Variants in MPPED1 observed in about 807,000 individuals in gnomAD.
MPPED1 encodes metallophosphoesterase domain-containing protein 1.
Under a neutral mutation model 36.2 loss-of-function variants are expected in MPPED1, and 16 were observed. The ratio of observed to expected loss-of-function variants is 0.44; its 90% confidence interval spans 0.30 to 0.67. The LOEUF is 0.67. MPPED1 is among the 30% of genes least tolerant of loss of function. The probability of loss-of-function intolerance (pLI) is 0.10; values close to 1 mark genes in which losing one functional copy is unlikely to be tolerated. For synonymous variants in MPPED1, 199 were observed against 191.3 expected, an observed-to-expected ratio of 1.04 and a Z score of -0.33; for missense variants, 307 against 453.4, an observed-to-expected ratio of 0.68 and a Z score of 2.93.
chr22:43,498,356 G>A lies in MPPED1; in HGVS notation c.748+6G>A. 1 of 1,529,998 alleles carries A rather than the reference G, an allele frequency of 6.5e-7. No homozygotes were observed. 94.8% of individuals were successfully genotyped at this position (1,529,998 alleles called of 1,614,324 possible). Reference sequence around the variant, plus strand: ...AACCCATGGACCACCACTGGGTAAGGCTCTGCTGGCCTGGCCCTCCAGCTC... The same window carrying A: ...AACCCATGGACCACCACTGGGTAAGACTCTGCTGGCCTGGCCCTCCAGCTC... On this transcript the variant is annotated splice_donor_region_variant and intron_variant, in intron 5 of 6. Coordinates refer to ENST00000443721, the MANE Select transcript of MPPED1 (RefSeq NM_001044370.2).
At chr22:43,454,868 A>G (rs965577667) in intron 3 of MPPED1, among the ~76,000 whole-genome samples, 7 of 152,106 alleles carry the variant, frequency 4.6e-5, no homozygotes, top group African/African-American at 1.7e-4. Flanking sequence ...AAACATTTGT[A>G]TTCAGATTCT....
At chr22:43,498,723 G>A (rs1447008394) in intron 5 of MPPED1, among the ~76,000 whole-genome samples, 1 of 151,906 alleles carries the variant, frequency 6.6e-6, no homozygotes, top group Non-Finnish European at 1.5e-5. Flanking sequence ...GAAACCTGGG[G>A]TCCCCACTTC....
At chr22:43,414,621 A>G (rs1036669531) in intron 1 of MPPED1, among the ~76,000 whole-genome samples, 4 of 152,186 alleles carry the variant, frequency 2.6e-5, no homozygotes, top group East Asian at 1.9e-4. Flanking sequence ...AGGTTAGTTA[A>G]TGCCTTTCAA....
At chr22:43,484,036 G>A (rs1386195931) in intron 4 of MPPED1, among the ~76,000 whole-genome samples, 1 of 152,240 alleles carries the variant, frequency 6.6e-6, no homozygotes, top group African/African-American at 2.4e-5. Flanking sequence ...CTCCCTTCTT[G>A]CGGCCTCACG....
chr22:43,490,269 G>C (rs1483323172), intron 4 of MPPED1, among the ~76,000 whole-genome samples: 3 of 152,170 alleles, frequency 2.0e-5, no homozygotes, highest in Non-Finnish European at 4.4e-5. Context: ...GGGTGTGATG[G>C]GGAGGGAAAA....
At chr22:43,443,916 C>T (rs1046265922) in intron 3 of MPPED1, among the ~76,000 whole-genome samples, 7 of 152,236 alleles carry the variant, frequency 4.6e-5, no homozygotes, top group African/African-American at 1.7e-4. Context: ...ATTTTGGTTG[C>T]GTACGCACAT....
In MPPED1 at chr22:43,505,624, C is replaced by G. The variant is rs1354433177; in HGVS notation, c.*8C>G. ...ACACCCCGGAACTCCTGACTGCTCCCCACTGCCCCTGCCCTGCCCGCCCGT... is the reference window on the plus strand; with the variant it reads ...ACACCCCGGAACTCCTGACTGCTCCGCACTGCCCCTGCCCTGCCCGCCCGT... On this transcript the variant is annotated 3_prime_UTR_variant, in exon 7 of 7. Coordinates refer to ENST00000443721, the MANE Select transcript of MPPED1 (RefSeq NM_001044370.2). 6.2e-7 allele frequency: 1 copy of G among 1,600,118 alleles called. No individual in the cohort carries two copies. The highest frequency in any genetic ancestry group is 1.7e-5 in the Admixed American group (1 of 58,666).
At chr22:43,446,654 T>G (rs796195936) in intron 3 of MPPED1, among the ~76,000 whole-genome samples, 1 of 152,146 alleles carries the variant, frequency 6.6e-6, no homozygotes, top group Non-Finnish European at 1.5e-5. Context: ...GGGGGCTTCA[T>G]GCAGGAGGTG....
At chr22:43,469,761 G>T (rs1050533600) in intron 3 of MPPED1, among the ~76,000 whole-genome samples, 1 of 152,266 alleles carries the variant, frequency 6.6e-6, no homozygotes, top group Admixed American at 6.5e-5. Flanking sequence ...GCGACACAGA[G>T]GTCAGTTGGT....
chr22:43,476,451 A>G (rs1931580890), intron 4 of MPPED1, among the ~76,000 whole-genome samples: 1 of 152,144 alleles, frequency 6.6e-6, no homozygotes, highest in South Asian at 2.1e-4. Flanking sequence ...CAGCGAGGCT[A>G]AGGAGCCCTT....
intron 4 of MPPED1, among the ~76,000 whole-genome samples, chr22:43,497,014 A>AGGTG (rs1932426179): frequency 3.7e-5 from 1 of 26,864 alleles, no homozygotes; most frequent in African/African-American, 1.6e-4. Flanking sequence ...TGGTGGAGGT[A>AGGTG]GTGGTGGTGG....
At chr22:43,483,420 C>T (rs555608390) in intron 4 of MPPED1, among the ~76,000 whole-genome samples, 9 of 152,340 alleles carry the variant, frequency 5.9e-5, no homozygotes, top group South Asian at 4.1e-4. Context: ...GGATTCAAGG[C>T]GGCCGGTGAT....
At chr22:43,464,839 C>T (rs887216842) in intron 3 of MPPED1, among the ~76,000 whole-genome samples, 5 of 152,230 alleles carry the variant, frequency 3.3e-5, no homozygotes, top group South Asian at 2.1e-4. Flanking sequence ...TTTCCAGCTT[C>T]CAAACCTCTG....
intron 4 of MPPED1, among the ~76,000 whole-genome samples, chr22:43,491,407 T>C (rs182725284): frequency 2.0e-4 from 30 of 151,512 alleles, no homozygotes; most frequent in Admixed American, 2.0e-3. Context: ...GTGGTGATGA[T>C]GGTGGAGGTG....
intron 2 of MPPED1, among the ~76,000 whole-genome samples, chr22:43,428,507 T>C (rs1929560337): frequency 6.6e-6 from 1 of 152,242 alleles, no homozygotes; most frequent in Non-Finnish European, 1.5e-5. Context: ...TGGATTTCCA[T>C]GGCGAGTCGG....
intron 3 of MPPED1, among the ~76,000 whole-genome samples, chr22:43,435,921 C>A (rs961477873): frequency 2.6e-5 from 4 of 152,154 alleles, no homozygotes; most frequent in African/African-American, 9.6e-5. Context: ...GAGTGACACA[C>A]AGAATGGTGG....
At position 43,486,190 on chromosome 22, in the gene MPPED1, C is replaced by T. The variant is rs573721689; in HGVS notation, c.632+11229C>T. On this transcript the variant is annotated intron_variant, in intron 4 of 6. Transcript: ENST00000443721. Reference sequence around the variant, plus strand: ...CATGCCCTCACTTGGGAACCAGGCACGTCTCTGACATCTCTGAGCCTCAGT... The same window carrying T: ...CATGCCCTCACTTGGGAACCAGGCATGTCTCTGACATCTCTGAGCCTCAGT... Among the ~76,000 whole-genome samples the T allele has an allele frequency of 3.9e-4, 59 of 152,374 alleles. No individual in the cohort carries two copies. The Middle Eastern group carries it at 0.01, about 26-fold the overall frequency.
chr22:43,465,117 C>T (rs188752925), intron 3 of MPPED1, among the ~76,000 whole-genome samples: 15 of 152,264 alleles, frequency 9.9e-5, no homozygotes, highest in Admixed American at 1.3e-4. Context: ...AACTGAGGCA[C>T]GAGGAGGGGA....
intron 3 of MPPED1, among the ~76,000 whole-genome samples, chr22:43,471,328 G>A (rs1438005400): frequency 6.6e-6 from 1 of 152,212 alleles, no homozygotes; most frequent in African/African-American, 2.4e-5. Context: ...CCCCCAACCC[G>A]AGCTGGGGGC....
Sources: gnomAD v4.1 joint callset for allele counts (sites outside exome capture counted in the v4.1 genomes callset) on GRCh38, gnomAD v4.1.1 for gene constraint, MANE v1.5 for transcripts, NCBI Gene and HGNC (gene_info 2026-07-23, HGNC 2026-07-21) for gene names.